Variants in STAM2 observed in about 807,000 individuals in gnomAD.
STAM2 encodes the protein signal transducing adapter molecule 2.
Under a neutral mutation model 65.6 loss-of-function variants are expected in STAM2, and 51 were observed. The observed-to-expected ratio is 0.78, with a 90% confidence interval of 0.62 to 0.98. STAM2 has a LOEUF of 0.98. Ranked by LOEUF, STAM2 falls within the 50% of genes least tolerant of loss-of-function variation. The pLI is 0.00. For missense variants in STAM2, 584 were observed against 617.8 expected (o/e 0.95, Z 0.58); for synonymous variants, 198 against 208.4 (o/e 0.95, Z 0.43).
intron 11 of STAM2, among the ~76,000 whole-genome samples, chr2:152,127,562 C>T (rs562947650): frequency 2.6e-5 from 4 of 151,262 alleles, no homozygotes; most frequent in Admixed American, 2.6e-4. Flanking sequence ...CACACACACA[C>T]ATTTTCATTT....
At chr2:152,129,341 G>A (rs1224310786) in intron 11 of STAM2, among the ~76,000 whole-genome samples, 1 of 151,914 alleles carries the variant, frequency 6.6e-6, no homozygotes, top group Non-Finnish European at 1.5e-5. Flanking sequence ...TGTAGAGATG[G>A]GGTCTCACTG....
chr2:152,122,311 G>C (rs1688871054), intron 13 of STAM2, among the ~76,000 whole-genome samples: 1 of 151,890 alleles, frequency 6.6e-6, no homozygotes, highest in Non-Finnish European at 1.5e-5. Flanking sequence ...TGTGGTCTCA[G>C]CTACTCAGGA....
chr2:152,138,696 C>T (rs1189629462), intron 7 of STAM2, among the ~76,000 whole-genome samples: 1 of 152,078 alleles, frequency 6.6e-6, no homozygotes, highest in Admixed American at 6.5e-5. Flanking sequence ...GTTCTTAAAG[C>T]CAGAAAATAA....
chr2:152,170,687 A>G (rs1668302793), intron 1 of STAM2, among the ~76,000 whole-genome samples: 1 of 152,152 alleles, frequency 6.6e-6, no homozygotes, highest in Non-Finnish European at 1.5e-5. Context: ...ATCAACATGA[A>G]TAACTCTCAC....
intron 1 of STAM2, among the ~76,000 whole-genome samples, chr2:152,172,001 T>C (rs2105572916): frequency 6.6e-6 from 1 of 152,314 alleles, no homozygotes; most frequent in Non-Finnish European, 1.5e-5. Flanking sequence ...CTAACCACTG[T>C]GGCCCCGTCC....
intron 2 of STAM2, 143 bp from the exon 3 acceptor site, chr2:152,148,443 G>A (rs1689377625): frequency 1.5e-6 from 1 of 655,262 alleles, no homozygotes; most frequent in African/African-American, 1.9e-5. Flanking sequence ...GCCAAGGCGG[G>A]AGGATCACTT....
rs1553843390 is a variant in STAM2 at position 152,118,460 on chromosome 2, ATG to A, written c.*2112_*2113del. The A allele has an allele frequency of 6.7e-6, 1 of 149,134 alleles. No individual in the cohort carries two copies. The highest frequency in any genetic ancestry group is 1.5e-5 in the Non-Finnish European group (1 of 67,440). The allele number at this position is 149,134 out of a possible 1,614,324, so 9.2% of individuals were successfully genotyped here. A position where few individuals can be genotyped will look rare whatever the true frequency, so the allele number is the denominator to read the frequency against. ...ATACTATATATTTATATATATATATATGTGTCATGTTTTATTATTCTAAAACT... is the reference window on the plus strand; with the variant it reads ...ATACTATATATTTATATATATATATATGTCATGTTTTATTATTCTAAAACT... On this transcript the variant is annotated 3_prime_UTR_variant, in exon 14 of 14. Coordinates refer to ENST00000263904, the MANE Select transcript of STAM2 (RefSeq NM_005843.6).
chr2:152,164,578 G>A (rs2105565743), intron 1 of STAM2, among the ~76,000 whole-genome samples: 1 of 152,302 alleles, frequency 6.6e-6, no homozygotes, highest in Non-Finnish European at 1.5e-5. Flanking sequence ...CCGACCTCAG[G>A]TGATCTGCCC....
intron 13 of STAM2, 58 bp from the exon 14 acceptor site, chr2:152,120,860 G>T (rs1688840419): frequency 7.4e-7 from 1 of 1,351,766 alleles, no homozygotes; most frequent in Non-Finnish European, 1.1e-6. Flanking sequence ...TAAGGTTAGA[G>T]ATCAATCATC....
chr2:152,124,524 G>A (rs1688916904), intron 12 of STAM2: 1 of 152,218 alleles, frequency 6.6e-6, no homozygotes, highest in South Asian at 2.1e-4. Flanking sequence ...CAGCAAAAAT[G>A]GTTTAGGTCT....
chr2:152,162,443 G>A (rs1054448164), intron 1 of STAM2, among the ~76,000 whole-genome samples: 8 of 152,120 alleles, frequency 5.3e-5, no homozygotes, highest in Non-Finnish European at 1.0e-4. Flanking sequence ...AGTCTGGTAC[G>A]GTGATGCGCA....
chr2:152,163,610 G>T (rs9917198), intron 1 of STAM2, among the ~76,000 whole-genome samples: 34,899 of 152,064 alleles, frequency 0.23, 4,099 homozygotes, highest in Admixed American at 0.31. Flanking sequence ...TGCCTGCGGG[G>T]TAGGGCAAAA....
chr2:152,135,216 A>G (rs1689132840), intron 8 of STAM2, among the ~76,000 whole-genome samples: 1 of 152,220 alleles, frequency 6.6e-6, no homozygotes, highest in African/African-American at 2.4e-5. Context: ...CTCTTACACT[A>G]CATAGTTAGG....
intron 13 of STAM2, among the ~76,000 whole-genome samples, chr2:152,122,299 C>A (rs914756585): frequency 2.6e-5 from 4 of 151,810 alleles, no homozygotes; most frequent in Admixed American, 2.6e-4. Context: ...GTAGTATGCG[C>A]CTGTGGTCTC....
intron 6 of STAM2, chr2:152,144,674 G>A (rs931834020): frequency 1.9e-4 from 80 of 416,246 alleles, no homozygotes; most frequent in African/African-American, 1.4e-3. Flanking sequence ...GAGTAGTTGG[G>A]ACTACAGGCG....
intron 11 of STAM2, among the ~76,000 whole-genome samples, chr2:152,130,945 G>A (rs1434870933): frequency 1.2e-4 from 17 of 147,678 alleles, no homozygotes; most frequent in South Asian, 2.1e-4. Context: ...GCAGTGAGCC[G>A]AGATCGCACC....
At position 152,132,097 on chromosome 2, in the gene STAM2, T is replaced by C. The variant is rs1180418291; in HGVS notation, c.1025+17A>G. 2 of 1,502,236 alleles carry C rather than the reference T, an allele frequency of 1.3e-6. No homozygotes were observed. The highest frequency in any genetic ancestry group is 1.8e-6 in the Non-Finnish European group (2 of 1,135,602). The allele number at this position is 1,502,236 out of a possible 1,614,324, so 93.1% of individuals were successfully genotyped here. ...CCCCCAAAACTATACTTTTTATTCC[T>C]GCACGAAAAATCTCACCTATCAATT... On this transcript the variant is annotated intron_variant, in intron 11 of 13. Coordinates refer to ENST00000263904, the MANE Select transcript of STAM2 (RefSeq NM_005843.6).
chr2:152,159,694 A>G (rs1689623079), intron 1 of STAM2, among the ~76,000 whole-genome samples: 1 of 152,118 alleles, frequency 6.6e-6, no homozygotes, highest in Non-Finnish European at 1.5e-5. Flanking sequence ...CCTCGTTTTT[A>G]AAAGAACAGG....
intron 1 of STAM2, among the ~76,000 whole-genome samples, chr2:152,162,807 A>AT (rs11424941): frequency 0.59 from 85,363 of 145,386 alleles, 25,672 homozygotes; most frequent in East Asian, 0.86. Context: ...TGCCTGGGTA[A>AT]TTTTTTTTTT....
Sources: allele counts gnomAD v4.1 joint callset (sites outside exome capture counted in the v4.1 genomes callset), GRCh38; gene constraint gnomAD v4.1.1; transcripts MANE v1.5; gene names NCBI Gene and HGNC (gene_info 2026-07-23, HGNC 2026-07-21).